The following ACAP3 variants were observed in gnomAD, a reference collection of about 807,000 sequenced individuals.
ACAP3 encodes the protein ArfGAP with coiled-coil, ankyrin repeat and PH domains 3, also known as arf-GAP with coiled-coil, ANK repeat and PH domain-containing protein 3.
ACAP3 carries 56 observed loss-of-function variants against 104.1 expected under a neutral mutation model. The ratio of observed to expected loss-of-function variants is 0.54; its 90% CI spans 0.43 to 0.67. ACAP3 has a LOEUF of 0.67. Among genes scored for constraint, ACAP3 ranks in the 30% least tolerant of loss-of-function variants. The pLI, the probability that ACAP3 is intolerant of heterozygous loss-of-function variation, is 0.00. For missense variants in ACAP3, 1,208 were observed against 1,174.9 expected (o/e 1.03, Z -0.41); for synonymous variants, 628 against 496.2 (o/e 1.27, Z -3.53).
At position 1,299,363 on chromosome 1, in the gene ACAP3, G is replaced by A. The variant is rs889941145; in HGVS notation, c.739-7C>T. 10 of 1,568,476 alleles carry A rather than the reference G, an allele frequency of 6.4e-6. No individual in the cohort carries two copies. The highest frequency in any genetic ancestry group is 5.5e-5 in the African/African-American group (4 of 72,866). On this transcript the variant is annotated splice_polypyrimidine_tract_variant and splice_region_variant and intron_variant, in intron 9 of 23. Coordinates refer to ENST00000354700, the MANE Select transcript of ACAP3 (RefSeq NM_030649.3). The stretch of plus-strand genomic sequence containing the variant: ...CACTTACCTGCAGCAGCGTCTGGAG[G>A]GCCGGAGCAGGAGGGGGTAGGGGGA...
At position 1,294,579 on chromosome 1, in the gene ACAP3, C is replaced by A. The variant is rs866644774; in HGVS notation, c.1962G>T (p.Glu654Asp). The change falls in exon 21 of 24, where the codon GAG becomes GAT. Residue 654 changes from glutamate to aspartate, a missense_variant. Coordinates refer to ENST00000354700, the MANE Select transcript of ACAP3 (RefSeq NM_030649.3). ...CGTCCGCCAGGCCCCAGGCCTCGGC[C>A]TCAGTGTCCCCGTCTGCCTCACCGC... The part of the protein sequence containing the change: ...ESSGEADGDT[E>D]AEAWGLADVR... The A allele has an allele frequency of 6.6e-7, 1 of 1,512,734 alleles. No individual in the cohort carries two copies. The highest frequency in any genetic ancestry group is 8.8e-7 in the Non-Finnish European group (1 of 1,137,928). The allele number at this position is 1,512,734 out of a possible 1,614,324, so 93.7% of individuals were successfully genotyped here.
At position 1,296,038 on chromosome 1, in the gene ACAP3, C is replaced by T. The variant is rs770023070; in HGVS notation, c.1479G>A (p.Arg493=). 2.0e-5 allele frequency: 32 copies of T among 1,612,688 alleles called. No individual in the cohort carries two copies. The highest frequency in any genetic ancestry group is 3.3e-5 in the Admixed American group (2 of 60,004). The change falls in exon 17 of 24, where the codon AGG becomes AGA. Residue 493 remains arginine (R), a synonymous_variant. Coordinates refer to ENST00000354700, the MANE Select transcript of ACAP3 (RefSeq NM_030649.3). The part of the protein sequence containing the change: ...YEAQCEGAGS[R]KPTASSSRQD... Reference sequence around the variant, plus strand: ...ACCGGGAGCTGCTGGCTGTGGGTTTCCTGCTGCCTGCACCCTCACACTGGG... The same window carrying T: ...ACCGGGAGCTGCTGGCTGTGGGTTTTCTGCTGCCTGCACCCTCACACTGGG...
rs769889112 is a variant in ACAP3, at chr1:1,300,569, G to A, written c.462C>T (p.Thr154=). 61 of 1,611,892 alleles carry A rather than the reference G, an allele frequency of 3.8e-5. No individual in the cohort carries two copies. The highest frequency in any genetic ancestry group is 1.9e-4 in the African/African-American group (14 of 74,894). ...ACTTCCTGGTGAGGGTGAGGGCCCCGGTGGCTTCCTCCACCTCGTGGGGCC... is the reference window on the plus strand; with the variant it reads ...ACTTCCTGGTGAGGGTGAGGGCCCCAGTGGCTTCCTCCACCTCGTGGGGCC... ...RHRPHEVEEA[T]GALTLTRKCF... is the part of the protein sequence containing the mutation. The change falls in exon 6 of 24, where the codon ACC becomes ACT. Residue 154 remains threonine (T), a synonymous_variant. Transcript: ENST00000354700.
At position 1,297,167 on chromosome 1, in the gene ACAP3, G is replaced by A. The variant is rs192421631; in HGVS notation, c.1129-534C>T. On this transcript the variant is annotated intron_variant, in intron 14 of 23. Coordinates refer to ENST00000354700, the MANE Select transcript of ACAP3 (RefSeq NM_030649.3). The stretch of plus-strand genomic sequence containing the variant: ...GTGGCACGTGTGTGTGTGCACAGGC[G>A]CGGGGCAGGGGCCATCCCCAGTGGC... 5.1e-3 allele frequency among the ~76,000 whole-genome samples: 632 copies of A among 123,408 alleles called. 1 individual carries two copies. The highest frequency in any genetic ancestry group is 6.7e-3 in the South Asian group (25 of 3,750). 81.0% of individuals were successfully genotyped at this position (123,408 alleles called of 152,430 possible). A position where few individuals can be genotyped will look rare whatever the true frequency, so the allele number is the denominator to read the frequency against.
At chr1:1,299,306 C>T (rs1388343970) in intron 10 of ACAP3, 39 bp downstream of exon 10, 3 of 1,589,656 alleles carry the variant, frequency 1.9e-6, no homozygotes, top group Non-Finnish European at 2.6e-6. Flanking sequence ...ATCTGGTCTC[C>T]CCCGACCCAC....
In ACAP3 at chr1:1,293,888, C is replaced by T; in HGVS notation, c.2295G>A (p.Leu765=). ...FLKRGADQHA[L]DQEQRDPLAI... ...CCAACGGGTCCCGCTGCTCTTGGTC[C>T]AGGGCGTGCTGGTCCGCGCCCCGCT... is the stretch of plus-strand genomic sequence containing the variant. Residue 765 remains leucine, a synonymous_variant, in exon 23 of 24, where the codon CTG becomes CTA. Coordinates refer to ENST00000354700, the MANE Select transcript of ACAP3 (RefSeq NM_030649.3). 6.3e-7 allele frequency: 1 copy of T among 1,586,686 alleles called. No homozygotes were observed. The highest frequency in any genetic ancestry group is 8.6e-7 in the Non-Finnish European group (1 of 1,168,544).
intron 4 of ACAP3, among the ~76,000 whole-genome samples, chr1:1,302,250 C>T (rs537421875): frequency 2.6e-5 from 4 of 152,284 alleles, no homozygotes; most frequent in South Asian, 2.1e-4. Flanking sequence ...TCACCCCTGC[C>T]CCTCTGTCCC....
At position 1,298,614 on chromosome 1, in the gene ACAP3, C is replaced by T; in HGVS notation, c.816G>A (p.Glu272=). ...TGCTGGCCCTCTTGAAGAGGTAGCC[C>T]TCCATCACCACCCCACTGGGCGCGT... The part of the protein sequence containing the change: ...DVDAPSGVVM[E]GYLFKRASNA... Residue 272 remains glutamate (E), a synonymous_variant, in exon 11 of 24, where the codon GAG becomes GAA. Transcript: ENST00000354700. 1 of 1,612,404 alleles carries T rather than the reference C, an allele frequency of 6.2e-7. No homozygotes were observed. Among genetic ancestry groups the T allele is most frequent in the Non-Finnish European group, 8.5e-7 (1 of 1,179,796 alleles).
In ACAP3 at chr1:1,296,035, T is replaced by A; in HGVS notation, c.1482A>T (p.Lys494Asn). The change falls in exon 17 of 24, where the codon AAA becomes AAT. Residue 494 changes from lysine (K) to asparagine (N), a missense_variant. Physicochemically the swap from Lys to Asn is moderately conservative, Grantham distance 94 (BLOSUM62 0). Transcript: ENST00000354700. ...CTCACCGGGAGCTGCTGGCTGTGGG[T>A]TTCCTGCTGCCTGCACCCTCACACT... The part of the protein sequence containing the change: ...EAQCEGAGSR[K>N]PTASSSRQDK... 1 of 1,612,626 alleles carries A rather than the reference T, an allele frequency of 6.2e-7. No individual in the cohort carries two copies. The highest frequency in any genetic ancestry group is 1.7e-4 in the Middle Eastern group (1 of 6,060).
At position 1,298,159 on chromosome 1, in the gene ACAP3, C is replaced by T. The variant is rs1641279235; in HGVS notation, c.916-46G>A. ...GCCCCTGCCCTCAGCCACCACCCGG[C>T]CCCGACCACCCACTTCCTGCTTCAC... On this transcript the variant is annotated intron_variant, in intron 12 of 23. Transcript: ENST00000354700. 2.5e-6 allele frequency: 4 copies of T among 1,569,570 alleles called. No individual in the cohort carries two copies. In the East Asian group the frequency reaches 7.1e-5, roughly 28 times the overall value.
intron 5 of ACAP3, among the ~76,000 whole-genome samples, chr1:1,301,067 T>C (rs1193971971): frequency 1.3e-5 from 2 of 151,984 alleles, no homozygotes; most frequent in Non-Finnish European, 2.9e-5. Flanking sequence ...GCGCCTGGCC[T>C]GGTTTTGTTT....
chr1:1,301,744 C>G, intron 5 of ACAP3: 2 of 376,818 alleles, frequency 5.3e-6, no homozygotes, highest in South Asian at 1.7e-4. Flanking sequence ...GACTCCAGAC[C>G]CCCAAACCCA....
intron 1 of ACAP3, chr1:1,307,500 C>G: frequency 1.6e-6 from 2 of 1,235,234 alleles, no homozygotes; most frequent in Non-Finnish European, 2.1e-6. Context: ...GGTGCAGACA[C>G]AGAGCGGGGG....
rs752836015 is a variant in ACAP3, at chr1:1,298,419, C to T, written c.866G>A (p.Arg289His). 2.5e-6 allele frequency: 4 copies of T among 1,600,574 alleles called. No individual in the cohort carries two copies. The highest frequency in any genetic ancestry group is 1.1e-5 in the South Asian group (1 of 89,726). The part of the protein sequence containing the change: ...ASNAFKTWNR[R>H]WFSIQNSQLV... ...CTGGCTGTTCTGAATGGAGAACCAG[C>T]GCCTAGGTGGGTGGGGGGATGTGGG... The change falls in exon 12 of 24, where the codon CGC (arginine) becomes CAC (histidine). Residue 289 changes from arginine to histidine, a missense_variant and splice_region_variant. Arg to His is a conservative substitution (Grantham distance 29). Transcript: ENST00000354700.
chr1:1,305,236 G>A (rs1641641429), intron 1 of ACAP3: 1 of 152,322 alleles, frequency 6.6e-6, no homozygotes, highest in African/African-American at 2.4e-5. Flanking sequence ...GCCCTCTCTT[G>A]TTCCCAAGGG....
intron 22 of ACAP3, 65 bp downstream of exon 22, chr1:1,294,025 G>C: frequency 1.3e-6 from 2 of 1,484,302 alleles, no homozygotes; most frequent in Non-Finnish European, 1.8e-6. Context: ...ATGGCGGACA[G>C]GGCGTAGCCG....
rs1174110314 is a variant in ACAP3, at chr1:1,300,775, G to GT, written c.339-84dup. ...GAGTCTCCCACATCGTTGTTTGTGT[G>GT]TTTTTTGTTTTTTGAGACGGAGTTT... On this transcript the variant is annotated intron_variant, in intron 5 of 23. Transcript: ENST00000354700. 82 of 1,449,578 alleles carry GT rather than the reference G, an allele frequency of 5.7e-5. No individual in the cohort carries two copies. The East Asian group carries it at 1.9e-3, about 34-fold the overall frequency. The allele number at this position is 1,449,578 out of a possible 1,614,324, so 89.8% of individuals were successfully genotyped here. A position where few individuals can be genotyped will look rare whatever the true frequency, so the allele number is the denominator to read the frequency against.
rs1056648633 is a variant in ACAP3, at chr1:1,307,508, G to T, written c.47+261C>A. The stretch of plus-strand genomic sequence containing the variant: ...CAGTGGAGGTGCAGACACAGAGCGG[G>T]GGCGGACGGTCCCGAGGTGCCCACG... On this transcript the variant is annotated intron_variant, in intron 1 of 23. Coordinates refer to ENST00000354700, the MANE Select transcript of ACAP3 (RefSeq NM_030649.3). The T allele has an allele frequency of 1.7e-5, 21 of 1,212,426 alleles. No homozygotes were observed. The African/African-American group carries it at 2.8e-4, about 16-fold the overall frequency. The allele number at this position is 1,212,426 out of a possible 1,614,324, so 75.1% of individuals were successfully genotyped here.
In ACAP3 at chr1:1,298,020, G is replaced by A; in HGVS notation, c.1009C>T (p.Pro337Ser). 6.2e-7 allele frequency: 1 copy of A among 1,611,976 alleles called. No individual in the cohort carries two copies. The highest frequency in any genetic ancestry group is 8.5e-7 in the Non-Finnish European group (1 of 1,179,590). Reference sequence around the variant, plus strand: ...TGGGCTGGGCCTCCTCACTTGGTGGGTGACAGCACCTCGAAGCAGAACCTC... The same window carrying A: ...TGGGCTGGGCCTCCTCACTTGGTGGATGACAGCACCTCGAAGCAGAACCTC... ...ERRFCFEVLS[P>S]TKSCMLQADS... is the part of the protein sequence containing the mutation. The change falls in exon 13 of 24, where the codon CCC becomes TCC. Residue 337 changes from proline to serine, a missense_variant. Transcript: ENST00000354700.
Sources: gnomAD v4.1 joint callset for allele counts (sites outside exome capture counted in the v4.1 genomes callset) on GRCh38, gnomAD v4.1.1 for gene constraint, MANE v1.5 for transcripts, NCBI Gene and HGNC (gene_info 2026-07-23, HGNC 2026-07-21) for gene names.